Variants in SLCO1C1 observed in about 807,000 individuals in gnomAD.
SLCO1C1 encodes solute carrier organic anion transporter family member 1C1.
SLCO1C1 carries 70 observed loss-of-function variants against 76.4 expected under a neutral mutation model. The observed-to-expected ratio is 0.92, with a 90% CI of 0.76 to 1.12. The LOEUF (loss-of-function observed/expected upper bound fraction) is 1.12, where lower values mean the gene tolerates loss of function less well. SLCO1C1 is among the 50% of genes most tolerant of loss of function. SLCO1C1 has a pLI of 0.00. For missense variants in SLCO1C1, 912 were observed against 823.8 expected, an observed-to-expected ratio of 1.11 and a Z score of -1.31; for synonymous variants, 306 against 286.1, an observed-to-expected ratio of 1.07 and a Z score of -0.70.
chr12:20,730,086 C>T (rs1055589793), intron 9 of SLCO1C1, among the ~76,000 whole-genome samples: 3 of 152,084 alleles, frequency 2.0e-5, no homozygotes, highest in Admixed American at 1.3e-4. Context: ...TTACTTCTTA[C>T]GTCCAGGTTC....
At chr12:20,717,466 CT>C (rs1947418513) in intron 7 of SLCO1C1, among the ~76,000 whole-genome samples, 1 of 151,600 alleles carries the variant, frequency 6.6e-6, no homozygotes, top group Admixed American at 6.6e-5. Context: ...TCTTTTTTCA[CT>C]TTTGATTTGT....
At position 20,721,844 on chromosome 12, in the gene SLCO1C1, A is replaced by AG. The variant is rs1947690720; in HGVS notation, c.817dup (p.Ala273GlyfsTer33). The AG allele has an allele frequency of 6.2e-7, 1 of 1,614,038 alleles. No individual in the cohort carries two copies. Among genetic ancestry groups the AG allele is most frequent in the Non-Finnish European group, 8.5e-7 (1 of 1,180,028 alleles). ...CCCCAAAAGATCCCCAGTGGGTAGG[A>AG]GCCTGGTGGCTTGGCTATCTAATAG... On this transcript the variant is annotated frameshift_variant, in exon 8 of 15. Coordinates refer to ENST00000266509, the MANE Select transcript of SLCO1C1 (RefSeq NM_017435.5). LOFTEE classifies it high-confidence loss of function.
chr12:20,703,578 G>C (rs1476017118), intron 3 of SLCO1C1, among the ~76,000 whole-genome samples: 1 of 151,650 alleles, frequency 6.6e-6, no homozygotes, highest in Non-Finnish European at 1.5e-5. Context: ...TTTAAAAGCT[G>C]GTTTGCTCAG....
chr12:20,748,539 A>C (rs1949150795), intron 13 of SLCO1C1, among the ~76,000 whole-genome samples: 1 of 152,154 alleles, frequency 6.6e-6, no homozygotes, highest in Non-Finnish European at 1.5e-5. Context: ...ACTCTATCTA[A>C]TATAATCCCT....
At chr12:20,709,423 T>A (rs1379786108) in intron 4 of SLCO1C1, among the ~76,000 whole-genome samples, 31 of 152,186 alleles carry the variant, frequency 2.0e-4, no homozygotes, top group Admixed American at 2.0e-3. Flanking sequence ...CAGAAGGAAC[T>A]GAGTTAAAAT....
chr12:20,740,785 A>ATT (rs1491284621), intron 12 of SLCO1C1, among the ~76,000 whole-genome samples: 6 of 86,110 alleles, frequency 7.0e-5, no homozygotes, highest in African/African-American at 2.9e-4. Flanking sequence ...AATTTATTTT[A>ATT]TTTATATATA....
At chr12:20,726,995 A>G (rs1457665768) in intron 9 of SLCO1C1, among the ~76,000 whole-genome samples, 1 of 152,186 alleles carries the variant, frequency 6.6e-6, no homozygotes. Flanking sequence ...TTCACTTAGG[A>G]TAGTGGCCTC....
chr12:20,717,211 C>T lies in SLCO1C1; in HGVS notation c.756C>T (p.Asp252=), dbSNP rs138662444. 1.3e-4 allele frequency: 205 copies of T among 1,585,846 alleles called. No individual in the cohort carries two copies. In the African/African-American group the frequency reaches 2.6e-3, roughly 20 times the overall value. Residue 252 remains aspartate, a synonymous_variant, in exon 7 of 15, where the codon GAC becomes GAT. Coordinates refer to ENST00000266509, the MANE Select transcript of SLCO1C1 (RefSeq NM_017435.5). ...CATTATGTGCCAAACTATATGTTGA[C>T]ATTGGCTTTGTAAACCTAGGTAAGG... ...LGSLCAKLYV[D]IGFVNLDHIT... is the part of the protein sequence containing the mutation.
chr12:20,732,886 G>T, intron 9 of SLCO1C1, 23 bp from the exon 10 acceptor site: 1 of 1,611,278 alleles, frequency 6.2e-7, no homozygotes, highest in South Asian at 1.1e-5. Flanking sequence ...TTCACAAAAT[G>T]ATATATTTTT....
chr12:20,750,918 A>G (rs1468148257), intron 14 of SLCO1C1, 126 bp downstream of exon 14: 1 of 1,569,690 alleles, frequency 6.4e-7, no homozygotes, highest in Non-Finnish European at 8.7e-7. Context: ...CTAATCAAAA[A>G]GTGTGATCTG....
chr12:20,722,967 A>G, intron 8 of SLCO1C1, 123 bp from the exon 9 acceptor site: 1 of 798,424 alleles, frequency 1.3e-6, no homozygotes, highest in Non-Finnish European at 2.0e-6. Context: ...TGTGTACCAC[A>G]CTGTGACTAC....
intron 1 of SLCO1C1, chr12:20,697,597 T>C (rs1946326577): frequency 6.6e-6 from 1 of 151,662 alleles, no homozygotes; most frequent in Non-Finnish European, 1.5e-5. Context: ...TCTTAAACTT[T>C]GTTTTTTAAA....
At chr12:20,749,507 G>C (rs375787685) in intron 13 of SLCO1C1, among the ~76,000 whole-genome samples, 22 of 152,116 alleles carry the variant, frequency 1.4e-4, no homozygotes, top group African/African-American at 4.8e-4. Context: ...TCAGCTATTG[G>C]CTACTAACTA....
chr12:20,702,608 C>G (rs1946576011), intron 3 of SLCO1C1, among the ~76,000 whole-genome samples: 1 of 151,832 alleles, frequency 6.6e-6, no homozygotes, highest in African/African-American at 2.4e-5. Flanking sequence ...AACATCTGAT[C>G]ACATCAATCT....
At chr12:20,751,970 G>A (rs974040) in intron 14 of SLCO1C1, among the ~76,000 whole-genome samples, 69,077 of 151,842 alleles carry the variant, frequency 0.45, 17,213 homozygotes, top group East Asian at 0.6. Flanking sequence ...GTGTGAAAAG[G>A]AGCACTATTA....
intron 4 of SLCO1C1, 34 bp downstream of exon 4, chr12:20,706,115 TC>T: frequency 1.3e-6 from 2 of 1,562,246 alleles, no homozygotes; most frequent in South Asian, 1.2e-5. Context: ...TCCTTGCCTT[TC>T]CAAACAACTG....
intron 4 of SLCO1C1, among the ~76,000 whole-genome samples, chr12:20,710,200 C>CTTTTTTTTTTTTTTTTTTT (rs914645913): frequency 5.3e-5 from 4 of 75,480 alleles, no homozygotes; most frequent in African/African-American, 3.2e-4. Context: ...CTCTACTTTT[C>CTTTTTTTTTTTTTTTTTTT]TTTTTTTTTT....
chr12:20,752,497 A>T lies in SLCO1C1; in HGVS notation c.2108A>T (p.Asn703Ile). 1 of 1,599,066 alleles carries T rather than the reference A, an allele frequency of 6.3e-7. No homozygotes were observed. Among genetic ancestry groups the T allele is most frequent in the Non-Finnish European group, 8.5e-7 (1 of 1,171,530 alleles). The change falls in exon 15 of 15, where the codon AAC becomes ATC. Residue 703 changes from asparagine to isoleucine, a missense_variant. Physicochemically the swap from Asn to Ile is moderately radical, Grantham distance 149 (BLOSUM62 -3). Coordinates refer to ENST00000266509, the MANE Select transcript of SLCO1C1 (RefSeq NM_017435.5). Reference protein sequence around the residue: ...YTTSDHLLQPNYWPGKETQL With the variant: ...YTTSDHLLQPIYWPGKETQL ...ACAAGTGATCATCTGCTACAACCCA[A>T]CTACTGGCCAGGCAAGGAAACTCAA...
At position 20,752,432 on chromosome 12, in the gene SLCO1C1, A is replaced by T; in HGVS notation, c.2043A>T (p.Arg681Ser). The change falls in exon 15 of 15, where the codon AGA becomes AGT. Residue 681 changes from arginine (R) to serine (S), a missense_variant. Physicochemically the swap from Arg to Ser is moderately radical, Grantham distance 110 (BLOSUM62 -1). Transcript: ENST00000266509. ...KHRSFITKRE[R>S]TMVSTRFQKE... ...GAAGTTTTATAACCAAGAGAGAAAG[A>T]ACAATGGTGTCTACAAGATTCCAAA... The T allele has an allele frequency of 6.2e-7, 1 of 1,613,630 alleles. No homozygotes were observed. Among genetic ancestry groups the T allele is most frequent in the Non-Finnish European group, 8.5e-7 (1 of 1,179,710 alleles).
Sources: gnomAD v4.1 joint callset for allele counts (sites outside exome capture counted in the v4.1 genomes callset) on GRCh38, gnomAD v4.1.1 for gene constraint, MANE v1.5 for transcripts, NCBI Gene and HGNC (gene_info 2026-07-23, HGNC 2026-07-21) for gene names.